Variants in TMEM150A observed in about 807,000 individuals in gnomAD.
TMEM150A encodes fasting-inducible integral membrane protein TM6P1.
In TMEM150A, 18 loss-of-function variants were observed where a neutral mutation model predicts 29.8. The ratio of observed to expected loss-of-function variants is 0.60; its 90% CI spans 0.42 to 0.90. TMEM150A has a LOEUF of 0.90. Ranked by LOEUF, TMEM150A falls within the 40% of genes least tolerant of loss-of-function variation. TMEM150A has a pLI of 0.00. For missense variants in TMEM150A, 251 were observed against 349.7 expected (o/e 0.72, Z 2.25); for synonymous variants, 127 against 143.6 (o/e 0.88, Z 0.83).
At chr2:85,600,740 C>T (rs1379543873) in intron 4 of TMEM150A, 6 of 551,418 alleles carry the variant, frequency 1.1e-5, no homozygotes, top group Non-Finnish European at 1.9e-5. Context: ...CCAGGTGCCT[C>T]CGCTTATTAG....
rs1053725718 is a variant in TMEM150A at position 85,601,704 on chromosome 2, G to A, written c.65+180C>T. 2.9e-5 allele frequency: 26 copies of A among 885,564 alleles called. No individual in the cohort carries two copies. Among genetic ancestry groups the A allele is most frequent in the Admixed American group, 6.7e-5 (3 of 45,064 alleles). The allele number at this position is 885,564 out of a possible 1,614,324, so 54.9% of individuals were successfully genotyped here. On this transcript the variant is annotated intron_variant, in intron 2 of 7. Transcript: ENST00000334462. The surrounding 1 kb of genome is among the most constrained non-coding windows in gnomAD (Gnocchi z 4.0). ...CCCTGGCTAGAAGTATATTTGTCAG[G>A]GCCACCCTGCTGGACAGCAGTGGTG...
intron 5 of TMEM150A, 78 bp downstream of exon 5, chr2:85,600,267 C>G: frequency 6.4e-7 from 1 of 1,554,028 alleles, no homozygotes; most frequent in Non-Finnish European, 8.9e-7. Flanking sequence ...GAGGGCTGCA[C>G]AGAAGGGCTT....
At position 85,602,228 on chromosome 2, in the gene TMEM150A, C is replaced by T. The variant is rs894172116; in HGVS notation, c.-116-164G>A. On this transcript the variant is annotated intron_variant, in intron 1 of 7. Transcript: ENST00000334462. This position sits in a 1 kb window ranked among gnomAD's most constrained non-coding sequence, Gnocchi z 5.6. ...CACCCTCTGGCACTGGGGGCCTCCG[C>T]GGTCAACCCAAATGCCACCGGCGTG... 11 of 369,358 alleles carry T rather than the reference C, an allele frequency of 3.0e-5. No individual in the cohort carries two copies. The highest frequency in any genetic ancestry group is 1.9e-4 in the African/African-American group (9 of 48,074). The allele number at this position is 369,358 out of a possible 1,614,324, so 22.9% of individuals were successfully genotyped here.
chr2:85,601,121 C>T lies in TMEM150A; in HGVS notation c.114-14G>A, dbSNP rs987129294. The T allele has an allele frequency of 3.7e-6, 6 of 1,611,732 alleles. No homozygotes were observed. In the African/African-American group the frequency reaches 4.0e-5, roughly 11 times the overall value. ...TCGTTGTAGGACCTGGCAGGCAGGA[C>T]AGGGAGTAGACTGGGGGAAGGGACT... On this transcript the variant is annotated splice_polypyrimidine_tract_variant and intron_variant, in intron 3 of 7. Coordinates refer to ENST00000334462, the MANE Select transcript of TMEM150A (RefSeq NM_001031738.3). The surrounding 1 kb of genome is among the most constrained non-coding windows in gnomAD (Gnocchi z 4.0).
intron 5 of TMEM150A, 26 bp downstream of exon 5, chr2:85,600,319 G>C: frequency 1.2e-6 from 2 of 1,613,202 alleles, no homozygotes; most frequent in Non-Finnish European, 8.5e-7. Context: ...TGGGCACGCA[G>C]GGTCAGGGCT....
chr2:85,600,748 T>C, intron 4 of TMEM150A: 1 of 551,836 alleles, frequency 1.8e-6, no homozygotes, highest in South Asian at 2.3e-5. Flanking sequence ...CTCCGCTTAT[T>C]AGCTGTGTGA....
At chr2:85,600,799 A>C in intron 4 of TMEM150A, 2 of 562,384 alleles carry the variant, frequency 3.6e-6, no homozygotes, top group Non-Finnish European at 6.3e-6. Context: ...CACCTATAAA[A>C]TGGTGAAAAC....
chr2:85,600,731 C>T lies in TMEM150A; in HGVS notation c.200+290G>A, dbSNP rs567507186. On this transcript the variant is annotated intron_variant, in intron 4 of 7. Coordinates refer to ENST00000334462, the MANE Select transcript of TMEM150A (RefSeq NM_001031738.3). ...CAATCTGAGGGCTCCAGCTTAAATC[C>T]AGGTGCCTCCGCTTATTAGCTGTGT... The T allele has an allele frequency of 9.1e-5, 50 of 551,156 alleles. 1 individual carries two copies. The Admixed American group carries it at 1.1e-3, about 12-fold the overall frequency. The allele number at this position is 551,156 out of a possible 1,614,324, so 34.1% of individuals were successfully genotyped here.
chr2:85,602,101 T>G lies in TMEM150A; in HGVS notation c.-116-37A>C. 1.6e-5 allele frequency: 10 copies of G among 635,698 alleles called. No individual in the cohort carries two copies. The highest frequency in any genetic ancestry group is 2.9e-5 in the East Asian group (1 of 34,352). The allele number at this position is 635,698 out of a possible 1,614,324, so 39.4% of individuals were successfully genotyped here. On this transcript the variant is annotated intron_variant, in intron 1 of 7. Transcript: ENST00000334462. The surrounding 1 kb of genome is among the most constrained non-coding windows in gnomAD (Gnocchi z 5.6). Reference sequence around the variant, plus strand: ...AGATCAAAGTCCAGGAGTGGGTAACTGGCCGGGAAGGGGGAGGGGAAGGGG... The same window carrying G: ...AGATCAAAGTCCAGGAGTGGGTAACGGGCCGGGAAGGGGGAGGGGAAGGGG...
rs973069475 is a variant in TMEM150A, at chr2:85,601,556, A to G, written c.66-74T>C. 2 of 1,539,188 alleles carry G rather than the reference A, an allele frequency of 1.3e-6. No homozygotes were observed. The highest frequency in any genetic ancestry group is 2.7e-5 in the African/African-American group (2 of 73,544). On this transcript the variant is annotated intron_variant, in intron 2 of 7. Coordinates refer to ENST00000334462, the MANE Select transcript of TMEM150A (RefSeq NM_001031738.3). This position sits in a 1 kb window ranked among gnomAD's most constrained non-coding sequence, Gnocchi z 4.0. ...ACCCACCCCATGACCCTTCTCTTCAACCTTGATTTCTGGCCCCATTCAGCC... is the reference window on the plus strand; with the variant it reads ...ACCCACCCCATGACCCTTCTCTTCAGCCTTGATTTCTGGCCCCATTCAGCC...
intron 4 of TMEM150A, 79 bp downstream of exon 4, chr2:85,600,942 C>G (rs1672902504): frequency 2.9e-6 from 4 of 1,369,656 alleles, no homozygotes; most frequent in Non-Finnish European, 4.1e-6. Context: ...GTTCCTGAGA[C>G]CCAAGGACAG....
At position 85,599,783 on chromosome 2, in the gene TMEM150A, C is replaced by T; in HGVS notation, c.397-81G>A. The T allele has an allele frequency of 1.9e-6, 3 of 1,597,516 alleles. No individual in the cohort carries two copies. The highest frequency in any genetic ancestry group is 2.6e-6 in the Non-Finnish European group (3 of 1,170,952). ...CTCCTTCAATGAATCTCCTCTCTCC[C>T]TCTTCCTTCCTCTCCCTCTTTCCAG... On this transcript the variant is annotated intron_variant, in intron 6 of 7. Coordinates refer to ENST00000334462, the MANE Select transcript of TMEM150A (RefSeq NM_001031738.3). This position sits in a 1 kb window ranked among gnomAD's most constrained non-coding sequence, Gnocchi z 6.0.
intron 5 of TMEM150A, 101 bp from the exon 6 acceptor site, chr2:85,600,119 A>G (rs1672852116): frequency 1.3e-5 from 19 of 1,489,884 alleles, no homozygotes; most frequent in Non-Finnish European, 1.7e-5. Flanking sequence ...GCCCCTTCTG[A>G]GGGGCAGAAA....
chr2:85,599,045 T>C lies in TMEM150A; in HGVS notation c.*31A>G, dbSNP rs2104076129. 6.3e-7 allele frequency: 1 copy of C among 1,599,230 alleles called. No homozygotes were observed. The highest frequency in any genetic ancestry group is 2.3e-5 in the East Asian group (1 of 44,414). On this transcript the variant is annotated 3_prime_UTR_variant, in exon 8 of 8. Coordinates refer to ENST00000334462, the MANE Select transcript of TMEM150A (RefSeq NM_001031738.3). The surrounding 1 kb of genome is among the most constrained non-coding windows in gnomAD (Gnocchi z 6.0). Reference sequence around the variant, plus strand: ...AAAGAAGATATGGGGTGGGGTGCTGTGGAGGCCGGGCCAGCCACCCTCCCC... The same window carrying C: ...AAAGAAGATATGGGGTGGGGTGCTGCGGAGGCCGGGCCAGCCACCCTCCCC...
chr2:85,599,592 C>G lies in TMEM150A; in HGVS notation c.507G>C (p.Pro169=), dbSNP rs376619425. ...GCAGATAGGCCACAGCCAGGTCCAGCGGGGCGGTGGCCCCTTGGTAGGAGA... is the reference window on the plus strand; with the variant it reads ...GCAGATAGGCCACAGCCAGGTCCAGGGGGGCGGTGGCCCCTTGGTAGGAGA... ...CALSYQGATA[P]LDLAVAYLRS... The change falls in exon 7 of 8, where the codon CCG becomes CCC. Residue 169 remains proline (P), a synonymous_variant. Coordinates refer to ENST00000334462, the MANE Select transcript of TMEM150A (RefSeq NM_001031738.3). This position sits in a 1 kb window ranked among gnomAD's most constrained non-coding sequence, Gnocchi z 6.0. The G allele has an allele frequency of 6.2e-7, 1 of 1,613,874 alleles. No individual in the cohort carries two copies.
chr2:85,599,122 G>C lies in TMEM150A; in HGVS notation c.770C>G (p.Thr257Ser). ...GGGGGCACAGTTGAGGTGGGTGGAG[G>C]TGCTGCTGCTCCCGGAGGACTTGCA... ...RACKSSGSSSTSTHLNCAPES... is the reference protein window; with the variant it reads ...RACKSSGSSSSSTHLNCAPES... The change falls in exon 8 of 8, where the codon ACC becomes AGC. Residue 257 changes from threonine (T) to serine (S), a missense_variant. Coordinates refer to ENST00000334462, the MANE Select transcript of TMEM150A (RefSeq NM_001031738.3). The surrounding 1 kb of genome is among the most constrained non-coding windows in gnomAD (Gnocchi z 6.0). The C allele has an allele frequency of 6.2e-7, 1 of 1,613,852 alleles. No individual in the cohort carries two copies. Among genetic ancestry groups the C allele is most frequent in the Non-Finnish European group, 8.5e-7 (1 of 1,180,040 alleles).
rs1319674442 is a variant in TMEM150A at position 85,598,953 on chromosome 2, A to G, written c.*123T>C. On this transcript the variant is annotated 3_prime_UTR_variant, in exon 8 of 8. Transcript: ENST00000334462. ...GTGGGCATGGGATGGCCACTTCTCC[A>G]GAAGTGAGGAAGCCCAGATCCCAAC... 1.4e-5 allele frequency: 20 copies of G among 1,417,844 alleles called. No homozygotes were observed. Among genetic ancestry groups the G allele is most frequent in the Non-Finnish European group, 1.9e-5 (20 of 1,065,050 alleles). 87.8% of individuals were successfully genotyped at this position (1,417,844 alleles called of 1,614,324 possible).
chr2:85,601,806 C>T lies in TMEM150A; in HGVS notation c.65+78G>A. 1 of 1,531,796 alleles carries T rather than the reference C, an allele frequency of 6.5e-7. No individual in the cohort carries two copies. The highest frequency in any genetic ancestry group is 1.4e-5 in the African/African-American group (1 of 73,450). The allele number at this position is 1,531,796 out of a possible 1,614,324, so 94.9% of individuals were successfully genotyped here. On this transcript the variant is annotated intron_variant, in intron 2 of 7. Coordinates refer to ENST00000334462, the MANE Select transcript of TMEM150A (RefSeq NM_001031738.3). The surrounding 1 kb of genome is among the most constrained non-coding windows in gnomAD (Gnocchi z 4.0). Reference sequence around the variant, plus strand: ...ACACCCAGAGTGACCCTGGGTACCACCGTGGCTATGACAGGACAAGAGACT... The same window carrying T: ...ACACCCAGAGTGACCCTGGGTACCATCGTGGCTATGACAGGACAAGAGACT...
rs555064768 is a variant in TMEM150A at position 85,601,127 on chromosome 2, G to A, written c.114-20C>T. 112 of 1,610,850 alleles carry A rather than the reference G, an allele frequency of 7.0e-5. No homozygotes were observed. The South Asian group carries it at 1.2e-3, about 17-fold the overall frequency. On this transcript the variant is annotated intron_variant, in intron 3 of 7. Transcript: ENST00000334462. This position sits in a 1 kb window ranked among gnomAD's most constrained non-coding sequence, Gnocchi z 4.0. Reference sequence around the variant, plus strand: ...TAGGACCTGGCAGGCAGGACAGGGAGTAGACTGGGGGAAGGGACTGCCCCC... The same window carrying A: ...TAGGACCTGGCAGGCAGGACAGGGAATAGACTGGGGGAAGGGACTGCCCCC...
Sources: allele counts gnomAD v4.1 joint callset, GRCh38; gene constraint gnomAD v4.1.1; non-coding constraint Gnocchi (gnomAD v3.1); transcripts MANE v1.5; gene names NCBI Gene and HGNC (gene_info 2026-07-23, HGNC 2026-07-21).